Variants in GRID2 observed in about 807,000 individuals in gnomAD.
The protein encoded by GRID2 is glutamate ionotropic receptor delta type subunit 2.
Under a neutral mutation model 114.8 loss-of-function variants are expected in GRID2, and 33 were observed. The observed-to-expected ratio is 0.29, with a 90% CI of 0.22 to 0.38. The LOEUF is 0.38. Ranked by LOEUF, GRID2 falls within the 10% of genes least tolerant of loss-of-function variation. The pLI is 1.00. For synonymous variants in GRID2, 505 were observed against 449.9 expected, an observed-to-expected ratio of 1.12 and a Z score of -1.55; for missense variants, 1,184 against 1,257.7, an observed-to-expected ratio of 0.94 and a Z score of 0.89.
chr4:92,617,633 A>G, intron 2 of GRID2, among the ~76,000 whole-genome samples: 1 of 150,756 alleles, frequency 6.6e-6, no homozygotes, highest in East Asian at 2.0e-4. Flanking sequence ...GGTTTGTTTC[A>G]TTTCCTTCCT....
chr4:92,876,291 AT>A (rs1438185894), intron 2 of GRID2, among the ~76,000 whole-genome samples: 1 of 149,336 alleles, frequency 6.7e-6, no homozygotes, highest in East Asian at 1.9e-4. Flanking sequence ...TATTTTATTT[AT>A]TTATTTATTT....
chr4:93,089,298 T>C (rs951486052), intron 3 of GRID2, among the ~76,000 whole-genome samples: 4 of 152,116 alleles, frequency 2.6e-5, no homozygotes, highest in African/African-American at 9.7e-5. Flanking sequence ...CCCTCAGAAT[T>C]CCAACATACT....
chr4:92,768,338 C>T (rs1738367882), intron 2 of GRID2, among the ~76,000 whole-genome samples: 1 of 151,896 alleles, frequency 6.6e-6, no homozygotes, highest in Non-Finnish European at 1.5e-5. Flanking sequence ...TCAAAGTTGC[C>T]ATCCAATCCG....
At chr4:93,180,996 GTAGAATGA>G (rs1739839044) in intron 4 of GRID2, among the ~76,000 whole-genome samples, 1 of 152,160 alleles carries the variant, frequency 6.6e-6, no homozygotes, top group Non-Finnish European at 1.5e-5. Flanking sequence ...TTAATGGCAT[GTAGAATGA>G]TGAATTTGTT....
At chr4:92,396,764 C>T (rs1029934581) in intron 1 of GRID2, among the ~76,000 whole-genome samples, 1 of 152,006 alleles carries the variant, frequency 6.6e-6, no homozygotes, top group Non-Finnish European at 1.5e-5. Context: ...AGATCTAAAA[C>T]ATAGTTCAGA....
chr4:92,967,767 G>T (rs1265186415), intron 2 of GRID2, among the ~76,000 whole-genome samples: 1 of 151,904 alleles, frequency 6.6e-6, no homozygotes, highest in East Asian at 1.9e-4. Context: ...AATGTGGAGG[G>T]ACAAGACTGT....
chr4:93,316,283 CGAAAGAACGAAA>C (rs1756590871), intron 8 of GRID2, among the ~76,000 whole-genome samples: 1 of 97,686 alleles, frequency 1.0e-5, no homozygotes, highest in African/African-American at 3.8e-5. Context: ...AAGAAAAGAA[CGAAAGAACGAAA>C]GAAAGAAAGA....
At chr4:92,613,905 T>G (rs1729876005) in intron 2 of GRID2, among the ~76,000 whole-genome samples, 1 of 151,554 alleles carries the variant, frequency 6.6e-6, no homozygotes, top group African/African-American at 2.4e-5. Context: ...TTTTTAAACT[T>G]TTTTACTTGG....
chr4:93,309,466 A>G (rs1248252545), intron 8 of GRID2, among the ~76,000 whole-genome samples: 2 of 150,118 alleles, frequency 1.3e-5, no homozygotes, highest in East Asian at 1.9e-4. Flanking sequence ...CCCGAGAGGT[A>G]GAGGTTGCAG....
chr4:92,522,134 G>A (rs1026362877), intron 1 of GRID2, among the ~76,000 whole-genome samples: 1 of 151,826 alleles, frequency 6.6e-6, no homozygotes, highest in African/African-American at 2.4e-5. Context: ...AATAGAGAAG[G>A]TGATATATGA....
chr4:93,712,350 T>C (rs1262485326), intron 14 of GRID2, among the ~76,000 whole-genome samples: 5 of 152,170 alleles, frequency 3.3e-5, no homozygotes, highest in Non-Finnish European at 5.9e-5. Flanking sequence ...TCCATGTAGA[T>C]AACAAATTAC....
rs1728646604 is a variant in GRID2, at chr4:92,590,270, C to T, written c.228C>T (p.Phe76=). 2 of 1,612,660 alleles carry T rather than the reference C, an allele frequency of 1.2e-6. No homozygotes were observed. Among genetic ancestry groups the T allele is most frequent in the African/African-American group, 1.3e-5 (1 of 74,860 alleles). Residue 76 remains phenylalanine (F), a synonymous_variant, in exon 2 of 16, where the codon TTC becomes TTT. Transcript: ENST00000282020. The part of the protein sequence containing the change: ...SVTFVDGNNP[F]QAVQEACELM... ...CGTTTGTTGATGGCAACAACCCTTT[C>T]CAAGCAGTTCAAGAAGGTAAGGTCA...
intron 2 of GRID2, among the ~76,000 whole-genome samples, chr4:92,844,804 G>T (rs368192279): frequency 6.6e-6 from 1 of 151,832 alleles, no homozygotes; most frequent in East Asian, 1.9e-4. Flanking sequence ...AGATGTCTAT[G>T]CCTCCTTCTC....
intron 11 of GRID2, among the ~76,000 whole-genome samples, chr4:93,480,860 A>C (rs1725790398): frequency 6.6e-6 from 1 of 152,004 alleles, no homozygotes; most frequent in Non-Finnish European, 1.5e-5. Context: ...GAGGTGACCA[A>C]GTTTCTTGGA....
At chr4:92,782,964 CTT>C (rs1022967409) in intron 2 of GRID2, among the ~76,000 whole-genome samples, 6 of 151,970 alleles carry the variant, frequency 3.9e-5, no homozygotes, top group African/African-American at 1.4e-4. Context: ...GATAAAATAA[CTT>C]TTTCTAAGGT....
chr4:93,003,013 A>C (rs947983193), intron 2 of GRID2, among the ~76,000 whole-genome samples: 1 of 151,766 alleles, frequency 6.6e-6, no homozygotes, highest in Non-Finnish European at 1.5e-5. Context: ...CCTCTCTCTT[A>C]TTAGAACACT....
intron 1 of GRID2, among the ~76,000 whole-genome samples, chr4:92,359,810 A>G (rs973361251): frequency 1.2e-4 from 18 of 151,960 alleles, no homozygotes; most frequent in Non-Finnish European, 2.5e-4. Flanking sequence ...AAAGCTTGCC[A>G]AAACATTTTT....
intron 4 of GRID2, among the ~76,000 whole-genome samples, chr4:93,134,815 G>T (rs1735097734): frequency 6.6e-6 from 1 of 152,078 alleles, no homozygotes; most frequent in Non-Finnish European, 1.5e-5. Flanking sequence ...TCTACCCAGT[G>T]GCTATAAGAA....
intron 8 of GRID2, among the ~76,000 whole-genome samples, chr4:93,294,172 A>C (rs1754040510): frequency 6.8e-6 from 1 of 147,814 alleles, no homozygotes; most frequent in African/African-American, 2.5e-5. Context: ...GGGATCAATA[A>C]ATTCCAAATC....
Sources: allele counts gnomAD v4.1 joint callset (sites outside exome capture counted in the v4.1 genomes callset), GRCh38; gene constraint gnomAD v4.1.1; transcripts MANE v1.5; gene names NCBI Gene and HGNC (gene_info 2026-07-23, HGNC 2026-07-21).